Variants in PGM2L1 observed in about 807,000 individuals in gnomAD.
The protein encoded by PGM2L1 is phosphoglucomutase 2 like 1.
A neutral mutation model predicts 73.4 loss-of-function variants in PGM2L1; 35 were observed. The ratio of observed to expected loss-of-function variants is 0.48; its 90% CI spans 0.36 to 0.63. The LOEUF is 0.63. PGM2L1 is among the 30% of genes least tolerant of loss of function. The pLI is 0.00. For synonymous variants in PGM2L1, 225 were observed against 253.8 expected (o/e 0.89, Z 1.08); for missense variants, 570 against 742.0 (o/e 0.77, Z 2.69).
chr11:74,384,248 T>C (rs768283934), intron 1 of PGM2L1, among the ~76,000 whole-genome samples: 59 of 152,204 alleles, frequency 3.9e-4, no homozygotes, highest in Admixed American at 7.9e-4. Flanking sequence ...AATTTGTTCA[T>C]TGAATTCTTA....
intron 1 of PGM2L1, among the ~76,000 whole-genome samples, chr11:74,394,842 A>G (rs1863150350): frequency 6.6e-6 from 1 of 152,192 alleles, no homozygotes; most frequent in African/African-American, 2.4e-5. Flanking sequence ...ATTGACCTCT[A>G]ATCAATTTAA....
intron 12 of PGM2L1, among the ~76,000 whole-genome samples, chr11:74,342,137 T>C (rs1186221307): frequency 1.3e-5 from 2 of 152,210 alleles, no homozygotes; most frequent in Non-Finnish European, 2.9e-5. Context: ...GACCAGTGCT[T>C]GGAAAACAAG....
At chr11:74,397,745 ATTTTTTT>A (rs71065081) in intron 1 of PGM2L1, 5 of 150,088 alleles carry the variant, frequency 3.3e-5, no homozygotes, top group African/African-American at 1.1e-4. Context: ...AATGATGATG[ATTTTTTT>A]TTTTTTTTTT....
chr11:74,343,514 AT>A, intron 9 of PGM2L1, 98 bp from the exon 10 acceptor site: 1 of 1,504,874 alleles, frequency 6.6e-7, no homozygotes. Context: ...TCATATAATG[AT>A]CCTTACTATA....
At chr11:74,395,830 A>C (rs1002678447) in intron 1 of PGM2L1, among the ~76,000 whole-genome samples, 1 of 152,016 alleles carries the variant, frequency 6.6e-6, no homozygotes, top group Non-Finnish European at 1.5e-5. Context: ...AATTGCCACC[A>C]AAACTACCCT....
chr11:74,380,656 T>C (rs1862929037), intron 1 of PGM2L1, among the ~76,000 whole-genome samples: 3 of 152,106 alleles, frequency 2.0e-5, no homozygotes, highest in Admixed American at 1.3e-4. Flanking sequence ...ATTATTTTGT[T>C]TCAAAAAAAC....
At chr11:74,397,891 C>G in intron 1 of PGM2L1, 160 bp downstream of exon 1, 1 of 1,277,660 alleles carries the variant, frequency 7.8e-7, no homozygotes, top group South Asian at 2.2e-5. Context: ...TCCGAAGGAG[C>G]AACCCCACGC....
intron 6 of PGM2L1, among the ~76,000 whole-genome samples, chr11:74,347,669 C>T (rs1409120900): frequency 2.0e-5 from 3 of 152,162 alleles, no homozygotes; most frequent in East Asian, 1.9e-4. Context: ...TGGTCTTTCT[C>T]GCTTGCCAGT....
At chr11:74,376,990 C>T (rs1862863977) in intron 1 of PGM2L1, among the ~76,000 whole-genome samples, 1 of 151,996 alleles carries the variant, frequency 6.6e-6, no homozygotes, top group Non-Finnish European at 1.5e-5. Flanking sequence ...AAAAAACTAT[C>T]TATGCAGCCA....
chr11:74,346,702 G>C lies in PGM2L1; in HGVS notation c.1037+30C>G, dbSNP rs370514214. 8 of 1,542,892 alleles carry C rather than the reference G, an allele frequency of 5.2e-6. No individual in the cohort carries two copies. The African/African-American group carries it at 1.1e-4, about 21-fold the overall frequency. On this transcript the variant is annotated intron_variant, in intron 8 of 13. Coordinates refer to ENST00000298198, the MANE Select transcript of PGM2L1 (RefSeq NM_173582.6). ...AAATACATTGCTTTTCAAAGTTCAA[G>C]CTTTTAATCAAATAACAGATTCTAC...
intron 5 of PGM2L1, among the ~76,000 whole-genome samples, chr11:74,360,259 A>AAG (rs1253121114): frequency 5.7e-4 from 66 of 116,374 alleles, no homozygotes; most frequent in African/African-American, 1.9e-3. Flanking sequence ...AAATAAAAGA[A>AAG]AGAAAGAGAA....
intron 5 of PGM2L1, among the ~76,000 whole-genome samples, chr11:74,364,785 C>T (rs1388458032): frequency 1.3e-5 from 2 of 152,172 alleles, no homozygotes; most frequent in African/African-American, 4.8e-5. Context: ...AATGGCCATA[C>T]CACCCAAGGT....
chr11:74,356,888 C>CA (rs1157296331), intron 5 of PGM2L1, among the ~76,000 whole-genome samples: 1 of 151,904 alleles, frequency 6.6e-6, no homozygotes, highest in Non-Finnish European at 1.5e-5. Flanking sequence ...GGCTGGAGTG[C>CA]AATGGTGCAG....
intron 6 of PGM2L1, among the ~76,000 whole-genome samples, chr11:74,348,319 T>TTA (rs1277915738): frequency 6.6e-6 from 1 of 152,112 alleles, no homozygotes; most frequent in East Asian, 1.9e-4. Flanking sequence ...AAAATACAAT[T>TTA]TATTATAAGA....
Position 74,334,200 on chromosome 11 carries a change from CAAAT to C in PGM2L1, c.*2448_*2451del, listed in dbSNP as rs1862056949. The C allele has an allele frequency of 2.0e-5, 3 of 152,132 alleles. No individual in the cohort carries two copies. Among genetic ancestry groups the C allele is most frequent in the Admixed American group, 1.3e-4 (2 of 15,270 alleles). 9.4% of individuals were successfully genotyped at this position (152,132 alleles called of 1,614,324 possible). ...AAATGTTGCATTATATTAAAGCACT[CAAAT>C]AAAACTGTTTTCTTCATAATAGAAT... On this transcript the variant is annotated 3_prime_UTR_variant, in exon 14 of 14. Transcript: ENST00000298198.
At chr11:74,344,450 C>T (rs1862232057) in intron 9 of PGM2L1, among the ~76,000 whole-genome samples, 1 of 152,016 alleles carries the variant, frequency 6.6e-6, no homozygotes, top group Non-Finnish European at 1.5e-5. Flanking sequence ...GACTTTTCAT[C>T]TAATGAGCTA....
intron 1 of PGM2L1, among the ~76,000 whole-genome samples, chr11:74,395,835 T>C (rs1000400991): frequency 6.6e-6 from 1 of 152,124 alleles, no homozygotes; most frequent in Non-Finnish European, 1.5e-5. Flanking sequence ...CCACCAAAAC[T>C]ACCCTAGCAT....
chr11:74,368,408 G>C, intron 5 of PGM2L1, 84 bp downstream of exon 5: 2 of 1,218,466 alleles, frequency 1.6e-6, no homozygotes, highest in Non-Finnish European at 2.4e-6. Flanking sequence ...CTGCTCTCCA[G>C]TATAGAAAAC....
chr11:74,377,992 G>T (rs1219011226), intron 1 of PGM2L1, among the ~76,000 whole-genome samples: 1 of 151,998 alleles, frequency 6.6e-6, no homozygotes, highest in Non-Finnish European at 1.5e-5. Flanking sequence ...CTATTTGACT[G>T]ACCTGCTTTG....
Sources: allele counts gnomAD v4.1 joint callset (sites outside exome capture counted in the v4.1 genomes callset), GRCh38; gene constraint gnomAD v4.1.1; transcripts MANE v1.5; gene names NCBI Gene and HGNC (gene_info 2026-07-23, HGNC 2026-07-21).